TNR: variants seen among roughly 807,000 people sequenced by gnomAD.
TNR encodes tenascin-R.
Under a neutral mutation model 150.4 loss-of-function variants are expected in TNR, and 45 were observed. The observed-to-expected ratio is 0.30, with a 90% CI of 0.24 to 0.38. The LOEUF is 0.38. TNR is among the 10% of genes least tolerant of loss of function. The pLI is 1.00. For synonymous variants in TNR, 687 were observed against 678.4 expected (o/e 1.01, Z -0.20); for missense variants, 1,544 against 1,759.1 (o/e 0.88, Z 2.19).
At chr1:175,682,602 C>T (rs896813665) in intron 1 of TNR, among the ~76,000 whole-genome samples, 8 of 152,148 alleles carry the variant, frequency 5.3e-5, no homozygotes, top group Admixed American at 3.9e-4. Context: ...CTTATGATCA[C>T]GCCTTATGAT....
intron 10 of TNR, 37 bp from the exon 11 acceptor site, chr1:175,366,175 TC>T: frequency 6.5e-7 from 1 of 1,547,244 alleles, no homozygotes. Flanking sequence ...TTACATGTGT[TC>T]CCCTGGAGGG....
intron 1 of TNR, among the ~76,000 whole-genome samples, chr1:175,558,315 T>C (rs1661273350): frequency 6.6e-6 from 1 of 152,190 alleles, no homozygotes; most frequent in South Asian, 2.1e-4. Flanking sequence ...GACAACTCTT[T>C]CTTTTTTAAA....
rs761063754 is a variant in TNR, at chr1:175,331,037, C to CT, written c.3632-803dup. Among the ~76,000 whole-genome samples the CT allele has an allele frequency of 6.1e-3, 443 of 72,524 alleles. 11 individuals carry two copies. Among genetic ancestry groups the CT allele is most frequent in the African/African-American group, 0.018 (399 of 22,188 alleles). 47.6% of individuals were successfully genotyped at this position (72,524 alleles called of 152,430 possible). ...TCTTTCTTTCTTTCTTTCTTTCTTT[C>CT]TTTCTTTCTTTCTTTCTTTCTTTCT... On this transcript the variant is annotated intron_variant, in intron 20 of 22. Transcript: ENST00000367674.
intron 1 of TNR, among the ~76,000 whole-genome samples, chr1:175,718,026 T>C (rs1282812239): frequency 6.6e-6 from 1 of 152,246 alleles, no homozygotes; most frequent in Non-Finnish European, 1.5e-5. Context: ...TCTGTTCACG[T>C]AAGTACCAAA....
rs1009388339 is a variant in TNR, at chr1:175,599,123, G to A, written c.-164-70754C>T. ...CCAGCCTCTATGGGCCCCGGGTTGC[G>A]GGGGGTCACCAATTTGCAGAGCTGA... On this transcript the variant is annotated intron_variant, in intron 1 of 22. Transcript: ENST00000367674. This position sits in a 1 kb window ranked among gnomAD's most constrained non-coding sequence, Gnocchi z 4.7. Among the ~76,000 whole-genome samples, 3 of 149,570 alleles carry A rather than the reference G, an allele frequency of 2.0e-5. No homozygotes were observed. The highest frequency in any genetic ancestry group is 5.1e-5 in the African/African-American group (2 of 39,000).
intron 1 of TNR, among the ~76,000 whole-genome samples, chr1:175,644,543 C>T (rs1664755265): frequency 6.6e-6 from 1 of 152,138 alleles, no homozygotes; most frequent in Non-Finnish European, 1.5e-5. Flanking sequence ...CCTCAGCAGC[C>T]CTCATCCAAT....
chr1:175,689,812 C>A (rs1041086484), intron 1 of TNR, among the ~76,000 whole-genome samples: 41 of 152,200 alleles, frequency 2.7e-4, no homozygotes, highest in Non-Finnish European at 5.7e-4. Context: ...TGTGCTTATT[C>A]AATCTACAGG....
intron 1 of TNR, among the ~76,000 whole-genome samples, chr1:175,667,812 T>C (rs1665575907): frequency 6.6e-6 from 1 of 152,160 alleles, no homozygotes; most frequent in African/African-American, 2.4e-5. Context: ...TACACTTTTC[T>C]TGTATGTTGC....
chr1:175,671,283 T>C (rs73035403), intron 1 of TNR, among the ~76,000 whole-genome samples: 5,376 of 152,218 alleles, frequency 0.035, 258 homozygotes, highest in African/African-American at 0.11. Context: ...TCCTTTATGC[T>C]CAGTTCTCAG....
At chr1:175,659,245 A>G (rs557031902) in intron 1 of TNR, among the ~76,000 whole-genome samples, 86 of 152,338 alleles carry the variant, frequency 5.6e-4, no homozygotes, top group African/African-American at 1.9e-3. Context: ...GCACACCTAG[A>G]TTATTGGAAG....
intron 13 of TNR, 114 bp downstream of exon 13, chr1:175,363,594 C>A: frequency 7.2e-7 from 1 of 1,393,094 alleles, no homozygotes; most frequent in South Asian, 1.4e-5. Flanking sequence ...ATGCAGCATG[C>A]CACAGAGAAG....
intron 1 of TNR, among the ~76,000 whole-genome samples, chr1:175,660,903 T>C (rs1665348214): frequency 6.6e-6 from 1 of 152,072 alleles, no homozygotes; most frequent in Non-Finnish European, 1.5e-5. Flanking sequence ...GAGAGGAGGC[T>C]CCAGCTGTAC....
intron 19 of TNR, 104 bp downstream of exon 19, chr1:175,337,424 A>T (rs1302441085): frequency 7.1e-7 from 1 of 1,409,294 alleles, no homozygotes. Context: ...GGGGTGATAA[A>T]AGGATGGCCA....
intron 2 of TNR, among the ~76,000 whole-genome samples, chr1:175,431,952 C>T (rs891857390): frequency 5.2e-5 from 3 of 57,396 alleles, no homozygotes; most frequent in Admixed American, 1.3e-4. Context: ...TCTCTGCAGG[C>T]TACTGATGGA....
chr1:175,685,018 A>G lies in TNR; in HGVS notation c.-165+58208T>C, dbSNP rs191685564. Among the ~76,000 whole-genome samples, 23 of 152,118 alleles carry G rather than the reference A, an allele frequency of 1.5e-4. No homozygotes were observed. In the South Asian group the frequency reaches 4.4e-3, roughly 29 times the overall value. On this transcript the variant is annotated intron_variant, in intron 1 of 22. Transcript: ENST00000367674. ...TTTTCCTATTTCCTTTTTTTCATCA[A>G]GGGGGCTTGGTTCTTCCCCTCTAAG... is the stretch of plus-strand genomic sequence containing the variant.
At chr1:175,383,848 C>T (rs778511161) in intron 8 of TNR, among the ~76,000 whole-genome samples, 1 of 152,178 alleles carries the variant, frequency 6.6e-6, no homozygotes, top group African/African-American at 2.4e-5. Context: ...CTTCTTTCCC[C>T]TCACCCTCCT....
intron 1 of TNR, among the ~76,000 whole-genome samples, chr1:175,607,295 G>T (rs904423041): frequency 2.6e-5 from 4 of 152,170 alleles, no homozygotes; most frequent in African/African-American, 7.2e-5. Flanking sequence ...CCAGATGAAG[G>T]TTCTCTCCTT....
intron 1 of TNR, among the ~76,000 whole-genome samples, chr1:175,708,814 C>T (rs1666912461): frequency 6.6e-6 from 1 of 152,118 alleles, no homozygotes; most frequent in African/African-American, 2.4e-5. Context: ...AAGAACTTTA[C>T]AGGAGGAAAT....
chr1:175,451,618 C>T (rs1208717942), intron 2 of TNR, among the ~76,000 whole-genome samples: 2 of 152,202 alleles, frequency 1.3e-5, no homozygotes, highest in Admixed American at 6.5e-5. Context: ...TACGCCGTCC[C>T]AGAGGAGCAG....
Sources: allele counts gnomAD v4.1 joint callset (sites outside exome capture counted in the v4.1 genomes callset), GRCh38; gene constraint gnomAD v4.1.1; non-coding constraint Gnocchi (gnomAD v3.1); transcripts MANE v1.5; gene names NCBI Gene and HGNC (gene_info 2026-07-23, HGNC 2026-07-21).